MYLK3: variants seen among roughly 807,000 people sequenced by gnomAD.
The protein encoded by MYLK3 is MLC kinase.
MYLK3 carries 55 observed loss-of-function variants against 76.3 expected under a neutral mutation model. The observed-to-expected ratio is 0.72, with a 90% CI of 0.58 to 0.90. The LOEUF is 0.90. MYLK3 is among the 40% of genes least tolerant of loss of function. The pLI, the probability that MYLK3 is intolerant of heterozygous loss-of-function variation, is 0.00. For missense variants in MYLK3, 973 were observed against 1,053.6 expected (o/e 0.92, Z 1.06); for synonymous variants, 416 against 425.4 (o/e 0.98, Z 0.27).
intron 12 of MYLK3, among the ~76,000 whole-genome samples, chr16:46,708,988 A>G (rs1003391722): frequency 2.0e-5 from 3 of 152,248 alleles, no homozygotes; most frequent in Non-Finnish European, 4.4e-5. Flanking sequence ...TCAAGTGTCC[A>G]TATAAGCACA....
chr16:46,723,532 T>C lies in MYLK3; in HGVS notation c.1915-2339A>G, dbSNP rs549906423. Reference sequence around the variant, plus strand: ...CTAGGAGTAAAATTGCTGGGTTATATGGTAATTCTATGTTTAGCATTTTTA... The same window carrying C: ...CTAGGAGTAAAATTGCTGGGTTATACGGTAATTCTATGTTTAGCATTTTTA... On this transcript the variant is annotated intron_variant, in intron 8 of 12. Transcript: ENST00000394809. 1.1e-4 allele frequency among the ~76,000 whole-genome samples: 16 copies of C among 152,306 alleles called. No homozygotes were observed. The South Asian group carries it at 3.1e-3, about 30-fold the overall frequency.
intron 10 of MYLK3, 48 bp from the exon 11 acceptor site, chr16:46,710,837 A>C (rs770697880): frequency 1.1e-5 from 18 of 1,609,514 alleles, no homozygotes; most frequent in Non-Finnish European, 1.4e-5. Context: ...CACATTTGCC[A>C]ACATGCATTG....
intron 9 of MYLK3, among the ~76,000 whole-genome samples, chr16:46,714,494 C>T (rs926436814): frequency 2.6e-5 from 4 of 152,126 alleles, no homozygotes; most frequent in Admixed American, 6.5e-5. Context: ...GGGGCAAGCG[C>T]TCCTCTGGCA....
intron 9 of MYLK3, among the ~76,000 whole-genome samples, chr16:46,715,781 A>G (rs1205377428): frequency 6.6e-6 from 1 of 152,226 alleles, no homozygotes; most frequent in Non-Finnish European, 1.5e-5. Flanking sequence ...CCACTGCACC[A>G]GGAGCCATGT....
At chr16:46,727,158 A>G (rs1320646361) in intron 8 of MYLK3, 78 bp downstream of exon 8, 4 of 1,507,674 alleles carry the variant, frequency 2.7e-6, no homozygotes, top group Middle Eastern at 2.1e-4. Context: ...CTGTCTGTGG[A>G]TAGAGCTCTC....
chr16:46,712,128 C>T (rs55704043), intron 10 of MYLK3, among the ~76,000 whole-genome samples: 2 of 151,796 alleles, frequency 1.3e-5, no homozygotes, highest in Admixed American at 6.6e-5. Flanking sequence ...GTAACTGGGA[C>T]GATAGGCACG....
chr16:46,715,683 A>G (rs1966729636), intron 9 of MYLK3, among the ~76,000 whole-genome samples: 1 of 152,138 alleles, frequency 6.6e-6, no homozygotes, highest in Non-Finnish European at 1.5e-5. Context: ...ATTTAGATGC[A>G]CTGATGGCTC....
intron 1 of MYLK3, among the ~76,000 whole-genome samples, chr16:46,743,379 G>A (rs982970154): frequency 1.2e-4 from 18 of 152,270 alleles, no homozygotes; most frequent in South Asian, 4.1e-4. Context: ...CATAATGCAC[G>A]GCGTTCAGCA....
chr16:46,752,180 G>A (rs1967134707), upstream of MYLK3, among the ~76,000 whole-genome samples: 1 of 152,092 alleles, frequency 6.6e-6, no homozygotes, highest in Admixed American at 6.5e-5. Context: ...GCCTTCTGGT[G>A]ACCTAACAGT....
Position 46,730,293 on chromosome 16 carries a change from A to T in MYLK3, c.1568+300T>A, listed in dbSNP as rs1478942259. Among the ~76,000 whole-genome samples, 3 of 152,132 alleles carry T rather than the reference A, an allele frequency of 2.0e-5. No homozygotes were observed. The East Asian group carries it at 5.8e-4, about 29-fold the overall frequency. On this transcript the variant is annotated intron_variant, in intron 5 of 12. Coordinates refer to ENST00000394809, the MANE Select transcript of MYLK3 (RefSeq NM_182493.3). Reference sequence around the variant, plus strand: ...AAGAAGCTTCTCCTCACCCCACCTCATGTCGGCTTTCCGGCCACCTCCAGG... The same window carrying T: ...AAGAAGCTTCTCCTCACCCCACCTCTTGTCGGCTTTCCGGCCACCTCCAGG...
At chr16:46,752,029 T>C (rs907197454), upstream of MYLK3, among the ~76,000 whole-genome samples, 12 of 152,090 alleles carry the variant, frequency 7.9e-5, no homozygotes, top group Non-Finnish European at 1.3e-4. Flanking sequence ...TGAACTGGAT[T>C]GACAGAGCAG....
Position 46,710,709 on chromosome 16 carries a change from T to A in MYLK3, c.2195A>T (p.Asp732Val). ...NFIVNCSWDF[D>V]ADTFEGLSEE... Reference sequence around the variant, plus strand: ...CGAGAGCCCTTCAAAGGTGTCAGCATCAAAATCCCAGCTACAGTTTACAAT... The same window carrying A: ...CGAGAGCCCTTCAAAGGTGTCAGCAACAAAATCCCAGCTACAGTTTACAAT... Residue 732 changes from aspartate (D) to valine (V), a missense_variant, in exon 11 of 13, where the codon GAT becomes GTT. This residue lies in a region of MYLK3 where 332 missense variants were observed against 416.6 expected (regional missense o/e 0.80). Transcript: ENST00000394809. 6.2e-7 allele frequency: 1 copy of A among 1,614,102 alleles called. No homozygotes were observed. Among genetic ancestry groups the A allele is most frequent in the Non-Finnish European group, 8.5e-7 (1 of 1,180,034 alleles).
intron 9 of MYLK3, among the ~76,000 whole-genome samples, chr16:46,716,123 C>T (rs1412617065): frequency 6.6e-6 from 1 of 152,184 alleles, no homozygotes; most frequent in Non-Finnish European, 1.5e-5. Context: ...GTTTTGGGTG[C>T]CTGCCCGTCA....
At chr16:46,741,639 G>A (rs549824437) in intron 1 of MYLK3, among the ~76,000 whole-genome samples, 4 of 152,292 alleles carry the variant, frequency 2.6e-5, no homozygotes, top group African/African-American at 9.6e-5. Flanking sequence ...CAAGGCAAGA[G>A]AGGCCGCTGT....
In MYLK3 at chr16:46,732,504, G is replaced by A. The variant is rs779633696; in HGVS notation, c.1166C>T (p.Pro389Leu). The A allele has an allele frequency of 6.2e-7, 1 of 1,607,110 alleles. No homozygotes were observed. The highest frequency in any genetic ancestry group is 8.5e-7 in the Non-Finnish European group (1 of 1,179,890). ...GRCLQAPGTEPGEQTPEGARE... is the reference protein window; with the variant it reads ...GRCLQAPGTELGEQTPEGARE... ...GGCTCCTTCAGGGGTCTGTTCTCCGGGCTCAGTCCCAGGGGCTTGGAGGCA... is the reference window on the plus strand; with the variant it reads ...GGCTCCTTCAGGGGTCTGTTCTCCGAGCTCAGTCCCAGGGGCTTGGAGGCA... Residue 389 changes from proline (P) to leucine (L), a missense_variant, in exon 4 of 13, where the codon CCC (proline) becomes CTC (leucine). Transcript: ENST00000394809.
intron 8 of MYLK3, among the ~76,000 whole-genome samples, chr16:46,723,900 C>T (rs1465116764): frequency 7.2e-5 from 11 of 152,202 alleles, no homozygotes; most frequent in African/African-American, 2.4e-4. Context: ...CCGCCTGCCT[C>T]GGCCTCCCAA....
intron 3 of MYLK3, among the ~76,000 whole-genome samples, chr16:46,734,664 A>G (rs1461908960): frequency 3.9e-5 from 6 of 152,050 alleles, no homozygotes; most frequent in Non-Finnish European, 5.9e-5. Context: ...TTCCACTGAT[A>G]TTAGGACCCT....
chr16:46,729,007 C>A lies in MYLK3; in HGVS notation c.1772+17G>T, dbSNP rs557379405. On this transcript the variant is annotated intron_variant, in intron 7 of 12. Transcript: ENST00000394809. ...CCTGGCTTGAGCCGAGGCGGCCGCCCCGCCTCTGATACTCACTACTCCATG... is the reference window on the plus strand; with the variant it reads ...CCTGGCTTGAGCCGAGGCGGCCGCCACGCCTCTGATACTCACTACTCCATG... 1.2e-6 allele frequency: 2 copies of A among 1,602,498 alleles called. No homozygotes were observed. The highest frequency in any genetic ancestry group is 2.7e-5 in the African/African-American group (2 of 74,820).
chr16:46,727,495 G>A (rs1966845063), intron 7 of MYLK3, 118 bp from the exon 8 acceptor site: 1 of 1,122,396 alleles, frequency 8.9e-7, no homozygotes, highest in Admixed American at 2.8e-5. Context: ...ACACCCCATG[G>A]GTCACAGGGC....
Sources: allele counts gnomAD v4.1 joint callset (sites outside exome capture counted in the v4.1 genomes callset), GRCh38; gene constraint gnomAD v4.1.1; regional missense constraint gnomAD v4.1.1; transcripts MANE v1.5; gene names NCBI Gene and HGNC (gene_info 2026-07-23, HGNC 2026-07-21).